The following GALR2 variants were observed in gnomAD, a reference collection of about 807,000 sequenced individuals.
The protein encoded by GALR2 is galanin receptor 2, also known as galanin receptor type 2.
GALR2 carries 5 observed loss-of-function variants against 7.2 expected under a neutral mutation model. The ratio of observed to expected loss-of-function variants is 0.69; its 90% confidence interval spans 0.36 to 1.45. The LOEUF (loss-of-function observed/expected upper bound fraction) is 1.45, where lower values mean the gene tolerates loss of function less well. Ranked by LOEUF, GALR2 falls within the 40% of genes most tolerant of loss-of-function variation. The pLI, the probability that GALR2 is intolerant of heterozygous loss-of-function variation, is 0.03. For missense variants in GALR2, 561 were observed against 555.7 expected (o/e 1.01, Z -0.10); for synonymous variants, 300 against 263.9 (o/e 1.14, Z -1.32).
rs1355887901 is a variant in GALR2, at chr17:76,077,445, G to A, written c.*14G>A. On this transcript the variant is annotated 3_prime_UTR_variant, in exon 2 of 2. Coordinates refer to ENST00000329003, the MANE Select transcript of GALR2 (RefSeq NM_003857.4). ...GATGTGGCCTGAAAGCACTTAGCGG[G>A]CGCGCTGGGATGTCACAGAGTTGGA... The A allele has an allele frequency of 1.4e-5, 20 of 1,442,372 alleles. No homozygotes were observed. In the Middle Eastern group the frequency reaches 1.8e-3, roughly 130 times the overall value. The allele number at this position is 1,442,372 out of a possible 1,614,324, so 89.3% of individuals were successfully genotyped here.
upstream of GALR2, chr17:76,072,341 T>C: frequency 6.2e-7 from 1 of 1,612,678 alleles, no homozygotes; most frequent in East Asian, 2.2e-5. This position sits in a 1 kb window ranked among gnomAD's most constrained non-coding sequence, Gnocchi z 4.5. Flanking sequence ...AATTCTTTGT[T>C]TGCCTTCGAT....
chr17:76,074,507 C>T (rs990006587), upstream of GALR2, among the ~76,000 whole-genome samples: 8 of 152,312 alleles, frequency 5.3e-5, no homozygotes, highest in African/African-American at 1.9e-4. The surrounding 1 kb of genome is among the most constrained non-coding windows in gnomAD (Gnocchi z 6.7). Flanking sequence ...GGGGTCGACC[C>T]CTCCACCGCT....
rs1162114316 is a variant in GALR2, at chr17:76,076,601, C to G, written c.369-35C>G. ...CGGCCCTCCAGCATGAATGTGCCCGCTCAGCCGACGTCTCCCTTCCCGGTC... is the reference window on the plus strand; with the variant it reads ...CGGCCCTCCAGCATGAATGTGCCCGGTCAGCCGACGTCTCCCTTCCCGGTC... On this transcript the variant is annotated intron_variant, in intron 1 of 1. Coordinates refer to ENST00000329003, the MANE Select transcript of GALR2 (RefSeq NM_003857.4). The surrounding 1 kb of genome is among the most constrained non-coding windows in gnomAD (Gnocchi z 6.5). 6.8e-6 allele frequency: 10 copies of G among 1,470,844 alleles called. No homozygotes were observed. The highest frequency in any genetic ancestry group is 9.2e-6 in the Non-Finnish European group (10 of 1,085,434). 91.1% of individuals were successfully genotyped at this position (1,470,844 alleles called of 1,614,324 possible). A position where few individuals can be genotyped will look rare whatever the true frequency, so the allele number is the denominator to read the frequency against.
upstream of GALR2, chr17:76,072,634 C>T: frequency 7.0e-7 from 1 of 1,421,684 alleles, no homozygotes; most frequent in Non-Finnish European, 9.1e-7. The surrounding 1 kb of genome is among the most constrained non-coding windows in gnomAD (Gnocchi z 4.5). Context: ...GCGCCATGTG[C>T]TGGAGCGCGC....
At chr17:76,074,725 G>A, upstream of GALR2, 1 of 738,940 alleles carries the variant, frequency 1.4e-6, no homozygotes, top group East Asian at 3.0e-5. The surrounding 1 kb of genome is among the most constrained non-coding windows in gnomAD (Gnocchi z 6.7). Flanking sequence ...CCTGACCCCA[G>A]CGCACCCCCA....
chr17:76,072,666 C>G, upstream of GALR2: 1 of 1,311,632 alleles, frequency 7.6e-7, no homozygotes, highest in Non-Finnish European at 1.0e-6. The surrounding 1 kb of genome is among the most constrained non-coding windows in gnomAD (Gnocchi z 4.5). Context: ...ATCCTGTCAT[C>G]CCGGGTCCGG....
In GALR2 at chr17:76,076,082, C is replaced by T. The variant is rs2144547580; in HGVS notation, c.369-554C>T. Among the ~76,000 whole-genome samples the T allele has an allele frequency of 6.6e-6, 1 of 152,368 alleles. No homozygotes were observed. The highest frequency in any genetic ancestry group is 2.4e-5 in the African/African-American group (1 of 41,596). ...CAGAGAGGCGAGGCCAGACTGCCCC[C>T]ACACCTCCTGTAGCCACTGAGCGCG... On this transcript the variant is annotated intron_variant, in intron 1 of 1. Transcript: ENST00000329003. This position sits in a 1 kb window ranked among gnomAD's most constrained non-coding sequence, Gnocchi z 6.5.
upstream of GALR2, among the ~76,000 whole-genome samples, chr17:76,073,311 TTTA>T (rs1488086268): frequency 6.7e-6 from 1 of 149,280 alleles, no homozygotes; most frequent in Non-Finnish European, 1.5e-5. Context: ...TTTTTTTTTT[TTTA>T]GATAGAGTTT....
In GALR2 at chr17:76,076,658, C is replaced by T. The variant is rs1170921564; in HGVS notation, c.391C>T (p.Leu131=). The change falls in exon 2 of 2, where the codon CTG becomes TTG. Residue 131 remains leucine, a synonymous_variant. Coordinates refer to ENST00000329003, the MANE Select transcript of GALR2 (RefSeq NM_003857.4). This position sits in a 1 kb window ranked among gnomAD's most constrained non-coding sequence, Gnocchi z 6.5. ...CAGGTATCTGGCCATCCGCTACCCG[C>T]TGCACTCCCGCGAGCTGCGCACGCC... ...LDRYLAIRYP[L]HSRELRTPRN... is the part of the protein sequence containing the mutation. 1 of 1,591,732 alleles carries T rather than the reference C, an allele frequency of 6.3e-7. No individual in the cohort carries two copies. Among genetic ancestry groups the T allele is most frequent in the Non-Finnish European group, 8.5e-7 (1 of 1,173,746 alleles).
rs779021741 is a variant in GALR2, at chr17:76,077,202, G to C, written c.935G>C (p.Gly312Ala). Residue 312 changes from glycine (G) to alanine (A), a missense_variant, in exon 2 of 2, where the codon GGC (glycine) becomes GCC (alanine). Transcript: ENST00000329003. ...GFRTICAGLL[G>A]RAPGRASGRV... The stretch of plus-strand genomic sequence containing the variant: ...CGCACGATCTGCGCGGGCCTGCTGG[G>C]CCGTGCCCCAGGCCGAGCCTCGGGC... The C allele has an allele frequency of 1.3e-5, 21 of 1,609,238 alleles. No homozygotes were observed. The African/African-American group carries it at 2.5e-4, about 19-fold the overall frequency.
chr17:76,072,621 A>G, upstream of GALR2: 1 of 1,452,460 alleles, frequency 6.9e-7, no homozygotes, highest in Non-Finnish European at 9.0e-7. This position sits in a 1 kb window ranked among gnomAD's most constrained non-coding sequence, Gnocchi z 4.5. Flanking sequence ...TTGCTGCAGC[A>G]GGGCGCCATG....
In GALR2 at chr17:76,076,412, CG is replaced by C. The variant is rs1286612422; in HGVS notation, c.369-221del. Among the ~76,000 whole-genome samples, 1 of 152,204 alleles carries C rather than the reference CG, an allele frequency of 6.6e-6. No individual in the cohort carries two copies. Among genetic ancestry groups the C allele is most frequent in the Admixed American group, 6.5e-5 (1 of 15,280 alleles). ...CTTGAAGGCACACCTTTCCTGCTGC[CG>C]GGCCCGCCCCATTTCCAGGCTCCGC... On this transcript the variant is annotated intron_variant, in intron 1 of 1. Coordinates refer to ENST00000329003, the MANE Select transcript of GALR2 (RefSeq NM_003857.4). The surrounding 1 kb of genome is among the most constrained non-coding windows in gnomAD (Gnocchi z 6.5).
Position 76,076,649 on chromosome 17 carries a change from C to A in GALR2, c.382C>A (p.Arg128Ser), listed in dbSNP as rs768751291. 8.1e-5 allele frequency: 128 copies of A among 1,584,794 alleles called. No individual in the cohort carries two copies. Among genetic ancestry groups the A allele is most frequent in the Non-Finnish European group, 1.0e-4 (121 of 1,170,022 alleles). ...AVSLDRYLAI[R>S]YPLHSRELRT... ...GTCTGACCGCAGGTATCTGGCCATC[C>A]GCTACCCGCTGCACTCCCGCGAGCT... The change falls in exon 2 of 2, where the codon CGC (arginine) becomes AGC (serine). Residue 128 changes from arginine to serine, a missense_variant. Arg to Ser is a moderately radical substitution (Grantham distance 110). Coordinates refer to ENST00000329003, the MANE Select transcript of GALR2 (RefSeq NM_003857.4). The surrounding 1 kb of genome is among the most constrained non-coding windows in gnomAD (Gnocchi z 6.5).
upstream of GALR2, chr17:76,072,062 C>T (rs537285475): frequency 2.9e-6 from 2 of 680,554 alleles, no homozygotes; most frequent in Non-Finnish European, 4.7e-6. This position sits in a 1 kb window ranked among gnomAD's most constrained non-coding sequence, Gnocchi z 4.5. Context: ...CCAGGGGAAA[C>T]CTGCCTGATA....
In GALR2 at chr17:76,075,202, C is replaced by T. The variant is rs1386152172; in HGVS notation, c.319C>T (p.Leu107Phe). The change falls in exon 1 of 2, where the codon CTC becomes TTC. Residue 107 changes from leucine to phenylalanine, a missense_variant. By Grantham distance (22) the Leu-to-Phe change is conservative. Coordinates refer to ENST00000329003, the MANE Select transcript of GALR2 (RefSeq NM_003857.4). The surrounding 1 kb of genome is among the most constrained non-coding windows in gnomAD (Gnocchi z 5.9). Reference sequence around the variant, plus strand: ...CAAGGCGGTGCACTTCCTCATCTTCCTCACCATGCACGCCAGCAGCTTCAC... The same window carrying T: ...CAAGGCGGTGCACTTCCTCATCTTCTTCACCATGCACGCCAGCAGCTTCAC... The part of the protein sequence containing the change: ...LCKAVHFLIF[L>F]TMHASSFTLA... 1.2e-6 allele frequency: 2 copies of T among 1,609,692 alleles called. No individual in the cohort carries two copies. Among genetic ancestry groups the T allele is most frequent in the East Asian group, 2.2e-5 (1 of 44,898 alleles).
chr17:76,077,416 G>C lies in GALR2; in HGVS notation c.1149G>C (p.Thr383=). ...QGPKAGDSIL[T]VDVA is the part of the protein sequence containing the mutation. ...CAAAGGCAGGCGACAGCATCCTGAC[G>C]GTTGATGTGGCCTGAAAGCACTTAG... is the stretch of plus-strand genomic sequence containing the variant. The change falls in exon 2 of 2, where the codon ACG becomes ACC. Residue 383 remains threonine, a synonymous_variant. Coordinates refer to ENST00000329003, the MANE Select transcript of GALR2 (RefSeq NM_003857.4). The C allele has an allele frequency of 6.9e-7, 1 of 1,453,476 alleles. No individual in the cohort carries two copies. Among genetic ancestry groups the C allele is most frequent in the Non-Finnish European group, 9.0e-7 (1 of 1,109,116 alleles). 90.0% of individuals were successfully genotyped at this position (1,453,476 alleles called of 1,614,324 possible).
rs761738206 is a variant in GALR2, at chr17:76,076,928, G to T, written c.661G>T (p.Val221Leu). The change falls in exon 2 of 2, where the codon GTG (valine) becomes TTG (leucine). Residue 221 changes from valine to leucine, a missense_variant. Transcript: ENST00000329003. The surrounding 1 kb of genome is among the most constrained non-coding windows in gnomAD (Gnocchi z 6.5). ...CTACCTCTGGCGCGCCGTCGACCCG[G>T]TGGCCGCGGGCTCGGGTGCCCGGCG... ...LRYLWRAVDP[V>L]AAGSGARRAK... is the part of the protein sequence containing the mutation. 3.1e-6 allele frequency: 5 copies of T among 1,602,046 alleles called. No homozygotes were observed. Among genetic ancestry groups the T allele is most frequent in the Non-Finnish European group, 3.4e-6 (4 of 1,178,440 alleles).
Position 76,074,903 on chromosome 17 carries a change from C to T in GALR2, c.20C>T (p.Pro7Leu), listed in dbSNP as rs1468979469. The T allele has an allele frequency of 1.3e-6, 2 of 1,535,744 alleles. No homozygotes were observed. Among genetic ancestry groups the T allele is most frequent in the East Asian group, 2.4e-5 (1 of 41,018 alleles). Reference sequence around the variant, plus strand: ...GGCACCATGAACGTCTCGGGCTGCCCAGGGGCCGGGAACGCGAGCCAGGCG... The same window carrying T: ...GGCACCATGAACGTCTCGGGCTGCCTAGGGGCCGGGAACGCGAGCCAGGCG... MNVSGC[P>L]GAGNASQAGG... Residue 7 changes from proline (P) to leucine (L), a missense_variant, in exon 1 of 2, where the codon CCA becomes CTA. Transcript: ENST00000329003. This position sits in a 1 kb window ranked among gnomAD's most constrained non-coding sequence, Gnocchi z 6.7.
rs2144546586 is a variant in GALR2, at chr17:76,075,314, G to A, written c.368+63G>A. 10 of 1,528,894 alleles carry A rather than the reference G, an allele frequency of 6.5e-6. No homozygotes were observed. In the South Asian group the frequency reaches 8.5e-5, roughly 13 times the overall value. The allele number at this position is 1,528,894 out of a possible 1,614,324, so 94.7% of individuals were successfully genotyped here. On this transcript the variant is annotated intron_variant, in intron 1 of 1. Coordinates refer to ENST00000329003, the MANE Select transcript of GALR2 (RefSeq NM_003857.4). This position sits in a 1 kb window ranked among gnomAD's most constrained non-coding sequence, Gnocchi z 5.9. Reference sequence around the variant, plus strand: ...CCACGCGGGGGATGGAGCGGGAGGCGGGACTGGGGACCAAGAAGGGACGCG... The same window carrying A: ...CCACGCGGGGGATGGAGCGGGAGGCAGGACTGGGGACCAAGAAGGGACGCG...
Sources: gnomAD v4.1 joint callset for allele counts (sites outside exome capture counted in the v4.1 genomes callset) on GRCh38, gnomAD v4.1.1 for gene constraint, Gnocchi (gnomAD v3.1) non-coding constraint, MANE v1.5 for transcripts, NCBI Gene and HGNC (gene_info 2026-07-23, HGNC 2026-07-21) for gene names.